Variants in COL6A1 observed in about 807,000 individuals in gnomAD.
COL6A1 encodes the protein collagen alpha-1(VI) chain.
COL6A1 carries 80 observed loss-of-function variants against 145.6 expected under a neutral mutation model. The ratio of observed to expected loss-of-function variants is 0.55; its 90% CI spans 0.46 to 0.66. The LOEUF is 0.66. Ranked by LOEUF, COL6A1 falls within the 30% of genes least tolerant of loss-of-function variation. The probability of loss-of-function intolerance (pLI) is 0.00; values close to 1 mark genes in which losing one functional copy is unlikely to be tolerated. For synonymous variants in COL6A1, 638 were observed against 622.8 expected, an observed-to-expected ratio of 1.02 and a Z score of -0.36; for missense variants, 1,364 against 1,473.8, an observed-to-expected ratio of 0.93 and a Z score of 1.22.
In COL6A1 at chr21:46,004,570, C is replaced by T. The variant is rs2077870540; in HGVS notation, c.*557C>T. On this transcript the variant is annotated 3_prime_UTR_variant, in exon 35 of 35. Transcript: ENST00000361866. ...AATTAAACTCAAAGCAAGCTCTTCT[C>T]CTCAGCTTGGGGCAGCCATTGGCCT... 8 of 333,876 alleles carry T rather than the reference C, an allele frequency of 2.4e-5. No homozygotes were observed. The highest frequency in any genetic ancestry group is 1.3e-4 in the South Asian group (6 of 45,650). 20.7% of individuals were successfully genotyped at this position (333,876 alleles called of 1,614,324 possible).
At chr21:45,993,219 C>T (rs1035481703) in intron 19 of COL6A1, among the ~76,000 whole-genome samples, 1 of 152,258 alleles carries the variant, frequency 6.6e-6, no homozygotes. Flanking sequence ...ACCCCAGAGC[C>T]GAGATGCCGG....
chr21:45,993,056 G>A (rs2077785889), intron 19 of COL6A1, among the ~76,000 whole-genome samples: 1 of 152,240 alleles, frequency 6.6e-6, no homozygotes, highest in Non-Finnish European at 1.5e-5. Context: ...TTCCCACCAG[G>A]CGGCTTCCAC....
intron 22 of COL6A1, 136 bp downstream of exon 22, chr21:45,997,898 C>T: frequency 1.8e-6 from 2 of 1,138,684 alleles, no homozygotes; most frequent in Non-Finnish European, 2.5e-6. Flanking sequence ...TGGCTCCTGG[C>T]CACAGTCGGC....
At chr21:45,991,607 G>A (rs557226767) in intron 15 of COL6A1, among the ~76,000 whole-genome samples, 2 of 152,264 alleles carry the variant, frequency 1.3e-5, no homozygotes, top group South Asian at 2.1e-4. Context: ...AGACAAAGGC[G>A]AATGCTGACC....
In COL6A1 at chr21:45,994,909, G is replaced by A. The variant is rs1362899356; in HGVS notation, c.1398+680G>A. On this transcript the variant is annotated intron_variant, in intron 20 of 34. Transcript: ENST00000361866. This position sits in a 1 kb window ranked among gnomAD's most constrained non-coding sequence, Gnocchi z 6.8. ...CCGGAGACAGCAAGTCTGTGCTCCC[G>A]AGCTTGTCTGCTTCTGTGGACAAAT... 2.6e-5 allele frequency among the ~76,000 whole-genome samples: 4 copies of A among 152,166 alleles called. No individual in the cohort carries two copies. Among genetic ancestry groups the A allele is most frequent in the Admixed American group, 6.5e-5 (1 of 15,282 alleles).
At position 45,984,266 on chromosome 21, in the gene COL6A1, C is replaced by A; in HGVS notation, c.228-3C>A. 11 of 1,604,408 alleles carry A rather than the reference C, an allele frequency of 6.9e-6. No homozygotes were observed. Among genetic ancestry groups the A allele is most frequent in the Non-Finnish European group, 9.4e-6 (11 of 1,176,172 alleles). ...TCACGCCCGCCGTGCCTGTTCCTGG[C>A]AGGTACTACCGCTGTGACCGAAACC... On this transcript the variant is annotated splice_region_variant and splice_polypyrimidine_tract_variant and intron_variant, in intron 2 of 34. Transcript: ENST00000361866.
intron 27 of COL6A1, 105 bp from the exon 28 acceptor site, chr21:46,000,226 G>A (rs2077835404): frequency 1.3e-5 from 17 of 1,331,660 alleles, no homozygotes; most frequent in Middle Eastern, 1.8e-4. Context: ...CCCAAACCCC[G>A]CCCTGTGGGG....
At chr21:45,999,825 C>G in intron 27 of COL6A1, 133 bp downstream of exon 27, 1 of 711,624 alleles carries the variant, frequency 1.4e-6, no homozygotes, top group Admixed American at 2.8e-5. Context: ...GAGCTGGTGC[C>G]AGGCCCTAGG....
chr21:45,991,357 G>A (rs973903580), intron 15 of COL6A1, among the ~76,000 whole-genome samples: 28 of 152,172 alleles, frequency 1.8e-4, no homozygotes, highest in African/African-American at 4.8e-4. Context: ...CCTAGCCTGC[G>A]AGCCGCAGCC....
rs370780432 is a variant in COL6A1, at chr21:46,001,984, G to C, written c.1980G>C (p.Ala660=). 1.9e-6 allele frequency: 3 copies of C among 1,612,406 alleles called. No individual in the cohort carries two copies. The highest frequency in any genetic ancestry group is 1.3e-5 in the African/African-American group (1 of 74,914). ...LVKFEPGQSY[A]GVVQYSHSQM... ...AGTTCGAGCCAGGGCAGTCGTACGC[G>C]GGTGTGGTGCAGTACAGCCACAGCC... is the stretch of plus-strand genomic sequence containing the variant. Residue 660 remains alanine (A), a synonymous_variant, in exon 31 of 35, where the codon GCG becomes GCC. Transcript: ENST00000361866.
chr21:45,996,570 A>G (rs1261801147), intron 20 of COL6A1, among the ~76,000 whole-genome samples: 1 of 151,934 alleles, frequency 6.6e-6, no homozygotes, highest in Non-Finnish European at 1.5e-5. Flanking sequence ...CAGGCCAGGG[A>G]CAGGCGTCTG....
Position 46,003,163 on chromosome 21 carries a change from C to T in COL6A1, c.2464+14C>T, listed in dbSNP as rs767853620. Reference sequence around the variant, plus strand: ...ACACCTGCCCCAGTGAGTACCTCGGCGGCCGGGACACGTGGGGAGGAGGGC... The same window carrying T: ...ACACCTGCCCCAGTGAGTACCTCGGTGGCCGGGACACGTGGGGAGGAGGGC... On this transcript the variant is annotated intron_variant, in intron 34 of 34. Transcript: ENST00000361866. 8.1e-6 allele frequency: 13 copies of T among 1,613,864 alleles called. No homozygotes were observed. The highest frequency in any genetic ancestry group is 3.3e-5 in the Admixed American group (2 of 60,008).
chr21:45,984,573 C>T (rs1041358964), intron 3 of COL6A1, 104 bp downstream of exon 3: 15 of 1,124,530 alleles, frequency 1.3e-5, no homozygotes, highest in Non-Finnish European at 1.8e-5. Context: ...TGCAGCCTCC[C>T]TGTTCTCTTG....
chr21:45,982,595 G>A (rs1229130065), intron 1 of COL6A1, 39 bp from the exon 2 acceptor site: 3 of 1,611,930 alleles, frequency 1.9e-6, no homozygotes, highest in South Asian at 1.1e-5. Flanking sequence ...GGGGAATGGG[G>A]CGAGAGCTTG....
At chr21:45,999,559 T>C in intron 26 of COL6A1, 98 bp from the exon 27 acceptor site, 1 of 1,340,246 alleles carries the variant, frequency 7.5e-7, no homozygotes, top group South Asian at 1.2e-5. Flanking sequence ...GGGGTGGGCT[T>C]GATGAGGGGC....
At chr21:45,989,387 C>T (rs1326630338) in intron 9 of COL6A1, among the ~76,000 whole-genome samples, 5 of 152,190 alleles carry the variant, frequency 3.3e-5, no homozygotes, top group East Asian at 1.9e-4. Flanking sequence ...AGGCCGGCAC[C>T]GTCCGGGGCC....
rs747250709 is a variant in COL6A1 at position 45,992,150 on chromosome 21, C to T, written c.1183-14C>T. 1.2e-6 allele frequency: 2 copies of T among 1,613,660 alleles called. No homozygotes were observed. Among genetic ancestry groups the T allele is most frequent in the African/African-American group, 1.3e-5 (1 of 75,020 alleles). On this transcript the variant is annotated splice_polypyrimidine_tract_variant and intron_variant, in intron 16 of 34. Coordinates refer to ENST00000361866, the MANE Select transcript of COL6A1 (RefSeq NM_001848.3). ...AAGGAGATGGAGCGACCATTCAACC[C>T]TTGTTCCCCACAGGGCCAGCCGGGA...
Position 45,994,368 on chromosome 21 carries a change from T to A in COL6A1, c.1398+139T>A. On this transcript the variant is annotated intron_variant, in intron 20 of 34. Transcript: ENST00000361866. This position sits in a 1 kb window ranked among gnomAD's most constrained non-coding sequence, Gnocchi z 6.8. The stretch of plus-strand genomic sequence containing the variant: ...TTTCCGTAGATCTCGGGGGTGTCCC[T>A]GCGTGGGAGCCGGCTGCAGGGGGTG... 1.1e-6 allele frequency: 1 copy of A among 894,154 alleles called. No individual in the cohort carries two copies. The highest frequency in any genetic ancestry group is 1.8e-6 in the Non-Finnish European group (1 of 567,750). 55.4% of individuals were successfully genotyped at this position (894,154 alleles called of 1,614,324 possible). A position where few individuals can be genotyped will look rare whatever the true frequency, so the allele number is the denominator to read the frequency against.
chr21:45,983,497 A>T (rs1297004213), intron 2 of COL6A1, among the ~76,000 whole-genome samples: 1 of 152,238 alleles, frequency 6.6e-6, no homozygotes, highest in Admixed American at 6.5e-5. Flanking sequence ...GACCCTGCTG[A>T]CTGGCCGCTG....
Sources: allele counts gnomAD v4.1 joint callset (sites outside exome capture counted in the v4.1 genomes callset), GRCh38; gene constraint gnomAD v4.1.1; non-coding constraint Gnocchi (gnomAD v3.1); transcripts MANE v1.5; gene names NCBI Gene and HGNC (gene_info 2026-07-23, HGNC 2026-07-21).